The following ENTREP2 variants were observed in gnomAD, a reference collection of about 807,000 sequenced individuals.
ENTREP2 encodes endosomal transmembrane epsin interactor 2.
the ENTREP2 span, among the ~76,000 whole-genome samples, chr15:29,538,365 G>A: frequency 2.3e-3 from 351 of 152,278 alleles, 2 homozygotes; most frequent in African/African-American, 7.9e-3. Context: ...GAGCCAGAGA[G>A]CTGAAGAGGC....
the ENTREP2 span, among the ~76,000 whole-genome samples, chr15:29,491,530 G>A: frequency 6.6e-6 from 1 of 152,088 alleles, no homozygotes; most frequent in African/African-American, 2.4e-5. Flanking sequence ...GAGCCCTAGG[G>A]TCCCTAGGTT....
chr15:29,396,621 CCA>C, the ENTREP2 span, among the ~76,000 whole-genome samples: 1 of 152,124 alleles, frequency 6.6e-6, no homozygotes, highest in African/African-American at 2.4e-5. Context: ...TTGATGAAGT[CCA>C]GTTTGCCACT....
the ENTREP2 span, among the ~76,000 whole-genome samples, chr15:29,245,744 T>G: frequency 6.6e-6 from 1 of 152,114 alleles, no homozygotes; most frequent in Non-Finnish European, 1.5e-5. Flanking sequence ...ATGCTCAACT[T>G]CACTTTTAAT....
chr15:29,395,043 C>T, the ENTREP2 span, among the ~76,000 whole-genome samples: 79,362 of 146,160 alleles, frequency 0.54, 25,609 homozygotes, highest in Admixed American at 0.68. Flanking sequence ...CCCACCACCA[C>T]GCCCGGCTAC....
the ENTREP2 span, among the ~76,000 whole-genome samples, chr15:29,181,452 T>TG: frequency 6.6e-6 from 1 of 152,066 alleles, no homozygotes; most frequent in South Asian, 2.1e-4. Context: ...ATTAGGCAAT[T>TG]GCAGTATGAA....
At chr15:29,330,282 C>CAAA in the ENTREP2 span, among the ~76,000 whole-genome samples, 2 of 112,890 alleles carry the variant, frequency 1.8e-5, no homozygotes, top group Non-Finnish European at 3.8e-5. Flanking sequence ...ACTAAAAATA[C>CAAA]AAAAAAAAAA....
At chr15:29,293,478 G>A in the ENTREP2 span, among the ~76,000 whole-genome samples, 1 of 151,232 alleles carries the variant, frequency 6.6e-6, no homozygotes, top group African/African-American at 2.4e-5. Context: ...GGATGGTCTC[G>A]ATCTCCTGAC....
chr15:29,640,804 A>C, the ENTREP2 span, among the ~76,000 whole-genome samples: 1 of 152,246 alleles, frequency 6.6e-6, no homozygotes, highest in African/African-American at 2.4e-5. Flanking sequence ...ATACAACAGA[A>C]GCCAACACTT....
At chr15:29,338,212 G>A in the ENTREP2 span, among the ~76,000 whole-genome samples, 1 of 151,906 alleles carries the variant, frequency 6.6e-6, no homozygotes, top group Non-Finnish European at 1.5e-5. Flanking sequence ...AGGGAGTGAG[G>A]AGTGCATGTC....
the ENTREP2 span, among the ~76,000 whole-genome samples, chr15:29,475,996 T>C: frequency 2.0e-4 from 30 of 152,194 alleles, no homozygotes; most frequent in African/African-American, 6.3e-4. Context: ...ATGATTGCAT[T>C]TGGGGAAAAT....
At chr15:29,475,530 G>GA in the ENTREP2 span, among the ~76,000 whole-genome samples, 1 of 152,150 alleles carries the variant, frequency 6.6e-6, no homozygotes, top group Non-Finnish European at 1.5e-5. Context: ...CAGGGCAGAG[G>GA]AAAAAACACA....
At chr15:29,668,263 G>A in the ENTREP2 span, among the ~76,000 whole-genome samples, 8 of 152,170 alleles carry the variant, frequency 5.3e-5, no homozygotes, top group African/African-American at 1.7e-4. Context: ...CCAGTCCGGG[G>A]AAACGCAACA....
the ENTREP2 span, among the ~76,000 whole-genome samples, chr15:29,293,504 C>T: frequency 1.3e-5 from 2 of 152,064 alleles, no homozygotes; most frequent in African/African-American, 2.4e-5. Context: ...GATCCGCCCG[C>T]CTTGGCCTCC....
the ENTREP2 span, among the ~76,000 whole-genome samples, chr15:29,195,990 T>G: frequency 6.6e-6 from 1 of 152,252 alleles, no homozygotes; most frequent in African/African-American, 2.4e-5. Flanking sequence ...AATCACTTTT[T>G]TTTTAAACAT....
At chr15:29,600,915 T>TTTTTTTTTTTTTA in the ENTREP2 span, among the ~76,000 whole-genome samples, 3 of 143,522 alleles carry the variant, frequency 2.1e-5, no homozygotes, top group Admixed American at 6.9e-5. Flanking sequence ...TTTTTTTTTT[T>TTTTTTTTTTTTTA]GAGACAGAGT....
chr15:29,612,034 C>T, the ENTREP2 span, among the ~76,000 whole-genome samples: 1 of 152,136 alleles, frequency 6.6e-6, no homozygotes, highest in Non-Finnish European at 1.5e-5. Flanking sequence ...ATTTTACAAA[C>T]GTGGCAACTC....
chr15:29,465,835 G>A, the ENTREP2 span, among the ~76,000 whole-genome samples: 1 of 152,096 alleles, frequency 6.6e-6, no homozygotes, highest in East Asian at 1.9e-4. Flanking sequence ...ATACCTGACC[G>A]ACTTCTTCTT....
chr15:29,125,376 A>G, the ENTREP2 span, among the ~76,000 whole-genome samples: 2 of 152,142 alleles, frequency 1.3e-5, no homozygotes, highest in African/African-American at 4.8e-5. Flanking sequence ...GAATACAGAG[A>G]TGACCGCAGC....
the ENTREP2 span, among the ~76,000 whole-genome samples, chr15:29,326,729 G>A: frequency 6.6e-6 from 1 of 151,908 alleles, no homozygotes; most frequent in Non-Finnish European, 1.5e-5. Context: ...TATATGAAGA[G>A]GCCAAAGACC....
Sources: allele counts gnomAD v4.1 joint callset (sites outside exome capture counted in the v4.1 genomes callset), GRCh38; gene constraint gnomAD v4.1.1; transcripts MANE v1.5; gene names NCBI Gene and HGNC (gene_info 2026-07-23, HGNC 2026-07-21).